Variants in PRR12 observed in about 807,000 individuals in gnomAD.
PRR12 encodes the protein proline-rich protein 12.
PRR12 carries 12 observed loss-of-function variants against 138.0 expected under a neutral mutation model. The observed-to-expected ratio is 0.09, with a 90% CI of 0.06 to 0.14. The LOEUF is 0.14. Ranked by LOEUF, PRR12 falls within the 10% of genes least tolerant of loss-of-function variation. The pLI is 1.00. For missense variants in PRR12, 2,692 were observed against 2,861.3 expected (o/e 0.94, Z 1.35); for synonymous variants, 1,567 against 1,291.7 (o/e 1.21, Z -4.57).
chr19:49,622,624 G>C (rs2080929207), intron 11 of PRR12, among the ~76,000 whole-genome samples: 1 of 148,510 alleles, frequency 6.7e-6, no homozygotes, highest in African/African-American at 2.5e-5. Context: ...AGGCGCGGTG[G>C]CTCACGCCTG....
chr19:49,616,085 A>C lies in PRR12; in HGVS notation c.5363A>C (p.Lys1788Thr). 1 of 1,569,524 alleles carries C rather than the reference A, an allele frequency of 6.4e-7. No homozygotes were observed. The highest frequency in any genetic ancestry group is 8.6e-7 in the Non-Finnish European group (1 of 1,157,992). The change falls in exon 9 of 14, where the codon AAG (lysine) becomes ACG (threonine). Residue 1788 changes from lysine (K) to threonine (T), a missense_variant. Physicochemically the swap from Lys to Thr is moderately conservative, Grantham distance 78 (BLOSUM62 -1). Coordinates refer to ENST00000418929, the MANE Select transcript of PRR12 (RefSeq NM_020719.3). The surrounding 1 kb of genome is among the most constrained non-coding windows in gnomAD (Gnocchi z 4.2). ...TSRLPKARPT[K>T]VKAEPPPKKR... Reference sequence around the variant, plus strand: ...CGGCTGCCCAAAGCCCGGCCTACCAAGGTGAAGGCTGAACCGCCCCCTAAG... The same window carrying C: ...CGGCTGCCCAAAGCCCGGCCTACCACGGTGAAGGCTGAACCGCCCCCTAAG...
At position 49,616,036 on chromosome 19, in the gene PRR12, G is replaced by A. The variant is rs189469394; in HGVS notation, c.5314G>A (p.Ala1772Thr). ...GCAGACACGGCCAGAGCGGAGTCTC[G>A]CCACGGGACAACCTGCCACATCCCG... The part of the protein sequence containing the change: ...GRQTRPERSL[A>T]TGQPATSRLP... The change falls in exon 9 of 14, where the codon GCC becomes ACC. Residue 1772 changes from alanine (A) to threonine (T), a missense_variant. Physicochemically the swap from Ala to Thr is moderately conservative, Grantham distance 58 (BLOSUM62 0). This residue lies in a region of PRR12 where 259 missense variants were observed against 265.1 expected (regional missense o/e 0.98). Coordinates refer to ENST00000418929, the MANE Select transcript of PRR12 (RefSeq NM_020719.3). The surrounding 1 kb of genome is among the most constrained non-coding windows in gnomAD (Gnocchi z 4.2). The A allele has an allele frequency of 4.5e-6, 7 of 1,556,544 alleles. No homozygotes were observed. Among genetic ancestry groups the A allele is most frequent in the East Asian group, 2.4e-5 (1 of 41,120 alleles).
chr19:49,619,605 G>A (rs1391828429), intron 9 of PRR12, among the ~76,000 whole-genome samples: 10 of 137,044 alleles, frequency 7.3e-5, no homozygotes, highest in African/African-American at 2.0e-4. Flanking sequence ...ACAATTGTGC[G>A]ATCTCGGCTC....
In PRR12 at chr19:49,596,339, A is replaced by T; in HGVS notation, c.2004A>T (p.Ala668=). 1 of 1,609,952 alleles carries T rather than the reference A, an allele frequency of 6.2e-7. No individual in the cohort carries two copies. Among genetic ancestry groups the T allele is most frequent in the Non-Finnish European group, 8.5e-7 (1 of 1,179,510 alleles). ...ADGLVGEDGA[A]DASKGLGGSG... is the part of the protein sequence containing the mutation. Reference sequence around the variant, plus strand: ...GCTTGGTGGGCGAGGACGGGGCAGCAGATGCCTCTAAGGGACTTGGGGGGA... The same window carrying T: ...GCTTGGTGGGCGAGGACGGGGCAGCTGATGCCTCTAAGGGACTTGGGGGGA... Residue 668 remains alanine (A), a synonymous_variant, in exon 4 of 14, where the codon GCA becomes GCT. Transcript: ENST00000418929. This position sits in a 1 kb window ranked among gnomAD's most constrained non-coding sequence, Gnocchi z 5.6.
intron 2 of PRR12, among the ~76,000 whole-genome samples, chr19:49,593,970 C>G (rs1252833200): frequency 6.6e-6 from 1 of 152,132 alleles, no homozygotes; most frequent in Non-Finnish European, 1.5e-5. Flanking sequence ...ACCCTTGACC[C>G]TCCTGATTGG....
intron 4 of PRR12, among the ~76,000 whole-genome samples, chr19:49,598,783 C>A (rs1296880812): frequency 1.3e-5 from 2 of 152,198 alleles, no homozygotes; most frequent in Non-Finnish European, 2.9e-5. Flanking sequence ...GATTGCATCA[C>A]TGTGGCCTGG....
At position 49,596,901 on chromosome 19, in the gene PRR12, A is replaced by G. The variant is rs1456730256; in HGVS notation, c.2566A>G (p.Ser856Gly). ...CCTGCAGCTCGAGGCCCACCTCCGC[A>G]GCCATGGCCTGGAGCCCGCGGCCCC... ...MPLQLEAHLR[S>G]HGLEPAAPSP... is the part of the protein sequence containing the mutation. Residue 856 changes from serine to glycine, a missense_variant, in exon 4 of 14, where the codon AGC becomes GGC. By Grantham distance (56) the Ser-to-Gly change is moderately conservative. Transcript: ENST00000418929. This position sits in a 1 kb window ranked among gnomAD's most constrained non-coding sequence, Gnocchi z 5.6. The G allele has an allele frequency of 7.4e-7, 1 of 1,351,122 alleles. No individual in the cohort carries two copies. 83.7% of individuals were successfully genotyped at this position (1,351,122 alleles called of 1,614,324 possible). A position where few individuals can be genotyped will look rare whatever the true frequency, so the allele number is the denominator to read the frequency against.
chr19:49,602,621 G>A (rs1410221262), intron 6 of PRR12, among the ~76,000 whole-genome samples: 3 of 152,066 alleles, frequency 2.0e-5, no homozygotes, highest in Non-Finnish European at 2.9e-5. Context: ...GCTCAATCTC[G>A]GCTCACTGCA....
chr19:49,608,685 A>G (rs989607245), intron 6 of PRR12, among the ~76,000 whole-genome samples: 1 of 152,028 alleles, frequency 6.6e-6, no homozygotes, highest in Non-Finnish European at 1.5e-5. Flanking sequence ...CAAAATTCAA[A>G]AAAACTTAAC....
chr19:49,596,511 AAGG>A lies in PRR12; in HGVS notation c.2179_2181del (p.Glu727del), dbSNP rs1313231176. The A allele has an allele frequency of 1.2e-6, 2 of 1,609,790 alleles. No homozygotes were observed. Among genetic ancestry groups the A allele is most frequent in the Non-Finnish European group, 1.7e-6 (2 of 1,178,808 alleles). On this transcript the variant is annotated inframe_deletion, in exon 4 of 14. Coordinates refer to ENST00000418929, the MANE Select transcript of PRR12 (RefSeq NM_020719.3). The surrounding 1 kb of genome is among the most constrained non-coding windows in gnomAD (Gnocchi z 5.6). ...ACTGGAGCTGGGCCTGGGGAGGCTGAAGGAGAAGAAGAAAGGGCCAGAGCGGGG... is the reference window on the plus strand; with the variant it reads ...ACTGGAGCTGGGCCTGGGGAGGCTGAAGAAGAAGAAAGGGCCAGAGCGGGG...
rs538649566 is a variant in PRR12 at position 49,614,378 on chromosome 19, C to T, written c.4774-155C>T. Among the ~76,000 whole-genome samples the T allele has an allele frequency of 6.6e-6, 1 of 152,302 alleles. No individual in the cohort carries two copies. Among genetic ancestry groups the T allele is most frequent in the Admixed American group, 6.5e-5 (1 of 15,290 alleles). ...GGTCAAGTTCAAGCTGTACACAGAG[C>T]TGAACACATCATGGGGGTAGAAGAT... On this transcript the variant is annotated intron_variant, in intron 6 of 13. Transcript: ENST00000418929. This position sits in a 1 kb window ranked among gnomAD's most constrained non-coding sequence, Gnocchi z 5.0.
chr19:49,594,428 T>G lies in PRR12; in HGVS notation c.200-26T>G. 2 of 1,523,330 alleles carry G rather than the reference T, an allele frequency of 1.3e-6. No individual in the cohort carries two copies. Among genetic ancestry groups the G allele is most frequent in the Non-Finnish European group, 1.8e-6 (2 of 1,133,390 alleles). The allele number at this position is 1,523,330 out of a possible 1,614,324, so 94.4% of individuals were successfully genotyped here. A position where few individuals can be genotyped will look rare whatever the true frequency, so the allele number is the denominator to read the frequency against. On this transcript the variant is annotated intron_variant, in intron 2 of 13. Transcript: ENST00000418929. This position sits in a 1 kb window ranked among gnomAD's most constrained non-coding sequence, Gnocchi z 5.6. ...TGTATCCTACCCACCCCCACCTGGC[T>G]GACTATAACCCCTGTCCCCGGCCAG...
At chr19:49,608,753 T>C (rs1356006323) in intron 6 of PRR12, among the ~76,000 whole-genome samples, 1 of 151,616 alleles carries the variant, frequency 6.6e-6, no homozygotes, top group African/African-American at 2.4e-5. Flanking sequence ...CGTGGGAGAA[T>C]CACCTGAGCC....
At position 49,591,613 on chromosome 19, in the gene PRR12, TCCCTCCCTCC is replaced by T. The variant is rs1568419844; in HGVS notation, c.-34_-25del. 2.8e-5 allele frequency: 3 copies of T among 108,010 alleles called. No individual in the cohort carries two copies. The highest frequency in any genetic ancestry group is 3.6e-5 in the Non-Finnish European group (2 of 55,310). The allele number at this position is 108,010 out of a possible 1,614,324, so 6.7% of individuals were successfully genotyped here. A position where few individuals can be genotyped will look rare whatever the true frequency, so the allele number is the denominator to read the frequency against. On this transcript the variant is annotated 5_prime_UTR_variant, in exon 1 of 14. Transcript: ENST00000418929. ...AGCGCGCGCGCGCCCCCTCCCTCCCTCCCTCCCTCCCCCTCCCCCCAATTTCCACCGCGGC... is the reference window on the plus strand; with the variant it reads ...AGCGCGCGCGCGCCCCCTCCCTCCCTCCCTCCCCCCAATTTCCACCGCGGC...
At chr19:49,600,363 A>G (rs780864210) in intron 5 of PRR12, among the ~76,000 whole-genome samples, 3 of 151,854 alleles carry the variant, frequency 2.0e-5, no homozygotes, top group Non-Finnish European at 2.9e-5. Flanking sequence ...CTAGGGGCAT[A>G]GGAAGGGTTT....
chr19:49,605,726 G>A (rs10408930), intron 6 of PRR12, among the ~76,000 whole-genome samples: 6,076 of 152,354 alleles, frequency 0.04, 145 homozygotes, highest in South Asian at 0.12. Flanking sequence ...GGAGTCAGTC[G>A]CCTGGCCAGT....
At position 49,596,325 on chromosome 19, in the gene PRR12, G is replaced by A. The variant is rs1305188179; in HGVS notation, c.1990G>A (p.Glu664Lys). ...CTCAGGGGCGGACGGCTTGGTGGGC[G>A]AGGACGGGGCAGCAGATGCCTCTAA... ...RTSGADGLVG[E>K]DGAADASKGL... is the part of the protein sequence containing the mutation. The change falls in exon 4 of 14, where the codon GAG becomes AAG. Residue 664 changes from glutamate (E) to lysine (K), a missense_variant. Around this residue, in one of 11 missense-constraint regions of PRR12, gnomAD observed 840 missense variants for 689.8 expected, o/e 1.22. Coordinates refer to ENST00000418929, the MANE Select transcript of PRR12 (RefSeq NM_020719.3). The surrounding 1 kb of genome is among the most constrained non-coding windows in gnomAD (Gnocchi z 5.6). 6 of 1,610,340 alleles carry A rather than the reference G, an allele frequency of 3.7e-6. No homozygotes were observed. The highest frequency in any genetic ancestry group is 2.7e-5 in the African/African-American group (2 of 74,894).
intron 11 of PRR12, among the ~76,000 whole-genome samples, chr19:49,622,386 C>G (rs533955207): frequency 6.6e-6 from 1 of 151,792 alleles, no homozygotes; most frequent in Admixed American, 6.6e-5. Flanking sequence ...TTCGAGACCA[C>G]CCTGGCTCTC....
At chr19:49,619,134 C>T (rs1178652202) in intron 9 of PRR12, among the ~76,000 whole-genome samples, 1 of 151,644 alleles carries the variant, frequency 6.6e-6, no homozygotes, top group Non-Finnish European at 1.5e-5. Context: ...TTTAGACTTA[C>T]GTGAAGCCAC....
Sources: allele counts gnomAD v4.1 joint callset (sites outside exome capture counted in the v4.1 genomes callset), GRCh38; gene constraint gnomAD v4.1.1; regional missense constraint gnomAD v4.1.1; non-coding constraint Gnocchi (gnomAD v3.1); transcripts MANE v1.5; gene names NCBI Gene and HGNC (gene_info 2026-07-23, HGNC 2026-07-21).